The following RXRG variants were observed in gnomAD, a reference collection of about 807,000 sequenced individuals.
RXRG encodes retinoic acid receptor RXR-gamma.
Under a neutral mutation model 49.2 loss-of-function variants are expected in RXRG, and 19 were observed. The observed-to-expected ratio is 0.39, with a 90% CI of 0.27 to 0.57. The LOEUF is 0.57. RXRG is among the 20% of genes least tolerant of loss of function. The probability of loss-of-function intolerance (pLI) is 0.64; values close to 1 mark genes in which losing one functional copy is unlikely to be tolerated. For synonymous variants in RXRG, 224 were observed against 216.6 expected, an observed-to-expected ratio of 1.03 and a Z score of -0.30; for missense variants, 452 against 592.5, an observed-to-expected ratio of 0.76 and a Z score of 2.46.
At chr1:165,407,160 G>A (rs1337952129) in intron 8 of RXRG, among the ~76,000 whole-genome samples, 1 of 152,276 alleles carries the variant, frequency 6.6e-6, no homozygotes, top group South Asian at 2.1e-4. Flanking sequence ...CTGACTCTAA[G>A]GAGGAGAGCT....
At chr1:165,425,022 C>T in intron 2 of RXRG, 6 of 949,174 alleles carry the variant, frequency 6.3e-6, no homozygotes, top group Non-Finnish European at 6.3e-6. Context: ...ATATAGCTCC[C>T]CAAAGCCAAA....
chr1:165,442,555 A>G (rs1276646603), intron 1 of RXRG, among the ~76,000 whole-genome samples: 2 of 152,168 alleles, frequency 1.3e-5, no homozygotes, highest in Non-Finnish European at 2.9e-5. Flanking sequence ...AGCCCCCACA[A>G]TTATGAAAAT....
At chr1:165,412,134 T>C (rs1203118827) in intron 4 of RXRG, among the ~76,000 whole-genome samples, 1 of 152,158 alleles carries the variant, frequency 6.6e-6, no homozygotes, top group Non-Finnish European at 1.5e-5. Context: ...GAGGAGATAA[T>C]GAGCCCCAGA....
intron 1 of RXRG, among the ~76,000 whole-genome samples, chr1:165,432,580 T>C (rs1470210961): frequency 7.2e-5 from 11 of 152,226 alleles, no homozygotes; most frequent in East Asian, 3.8e-4. Flanking sequence ...CTCACTCCTT[T>C]TTTTTGTTTG....
rs771143518 is a variant in RXRG at position 165,408,320 on chromosome 1, T to C, written c.1047-2A>G. The stretch of plus-strand genomic sequence containing the variant: ...TTGGAAACCAGCTCAGTTAGGACTC[T>C]GTTAACAGGAAACAAGCAGGTAATG... On this transcript the variant is annotated splice_acceptor_variant, in intron 7 of 9. Transcript: ENST00000359842. LOFTEE classifies it high-confidence loss of function. 1 of 1,601,964 alleles carries C rather than the reference T, an allele frequency of 6.2e-7. No homozygotes were observed. The highest frequency in any genetic ancestry group is 2.2e-5 in the East Asian group (1 of 44,840).
intron 8 of RXRG, among the ~76,000 whole-genome samples, chr1:165,407,846 C>T (rs199987320): frequency 3.9e-5 from 4 of 102,570 alleles, no homozygotes; most frequent in Non-Finnish European, 4.8e-5. Context: ...TTCAGGAAAA[C>T]AAAACTTAAA....
intron 1 of RXRG, among the ~76,000 whole-genome samples, chr1:165,436,683 G>A (rs1658825012): frequency 6.6e-6 from 1 of 152,190 alleles, no homozygotes; most frequent in Non-Finnish European, 1.5e-5. Context: ...AGGGAGCCAT[G>A]ACCTGGGACT....
intron 1 of RXRG, among the ~76,000 whole-genome samples, chr1:165,442,283 C>T (rs560147480): frequency 6.6e-5 from 10 of 152,330 alleles, no homozygotes; most frequent in Admixed American, 3.9e-4. Flanking sequence ...TCCCTGCAGA[C>T]GGGGGCAGAG....
intron 9 of RXRG, among the ~76,000 whole-genome samples, chr1:165,406,498 T>C (rs1228405146): frequency 6.6e-6 from 1 of 152,228 alleles, no homozygotes; most frequent in Non-Finnish European, 1.5e-5. Flanking sequence ...ATTTCTGAGG[T>C]TCTGTTTCTT....
intron 4 of RXRG, among the ~76,000 whole-genome samples, chr1:165,411,609 G>A (rs1394366584): frequency 2.0e-5 from 3 of 152,262 alleles, no homozygotes; most frequent in South Asian, 2.1e-4. Context: ...CACCTGATCC[G>A]ACTTGTCAGG....
intron 7 of RXRG, among the ~76,000 whole-genome samples, chr1:165,408,893 G>A (rs948648237): frequency 6.6e-6 from 1 of 152,140 alleles, no homozygotes; most frequent in African/African-American, 2.4e-5. Flanking sequence ...CCCTGGCATT[G>A]GACAGAGAGA....
chr1:165,401,186 G>A lies in RXRG; in HGVS notation c.*77C>T. On this transcript the variant is annotated 3_prime_UTR_variant, in exon 10 of 10. Coordinates refer to ENST00000359842, the MANE Select transcript of RXRG (RefSeq NM_006917.5). ...AGGAAGGGGGTCAGGGTGGGAGGTG[G>A]AGGAAAGTGCAGGGTGGGGGTCCAC... 1.4e-6 allele frequency: 2 copies of A among 1,409,536 alleles called. No individual in the cohort carries two copies. The highest frequency in any genetic ancestry group is 2.0e-6 in the Non-Finnish European group (2 of 1,018,180). The allele number at this position is 1,409,536 out of a possible 1,614,324, so 87.3% of individuals were successfully genotyped here. A position where few individuals can be genotyped will look rare whatever the true frequency, so the allele number is the denominator to read the frequency against.
chr1:165,409,133 G>A (rs1657852902), intron 7 of RXRG, among the ~76,000 whole-genome samples: 1 of 152,106 alleles, frequency 6.6e-6, no homozygotes. Context: ...CATCTTGCCT[G>A]GCCTCTTGAG....
intron 2 of RXRG, among the ~76,000 whole-genome samples, chr1:165,423,142 C>T (rs776712369): frequency 2.0e-5 from 3 of 152,194 alleles, no homozygotes; most frequent in Non-Finnish European, 4.4e-5. Flanking sequence ...CTCTGGCTGG[C>T]TTGGGGTTTG....
At chr1:165,440,751 C>T (rs1270759691) in intron 1 of RXRG, among the ~76,000 whole-genome samples, 1 of 152,058 alleles carries the variant, frequency 6.6e-6, no homozygotes, top group Non-Finnish European at 1.5e-5. Context: ...TCTGGGAGCC[C>T]CTGGCACACC....
At chr1:165,410,670 TC>T (rs752360852) in intron 6 of RXRG, 31 bp downstream of exon 6, 1 of 1,610,946 alleles carries the variant, frequency 6.2e-7, no homozygotes, top group African/African-American at 1.3e-5. Context: ...TTCAAAATTG[TC>T]CCAGGAAAAA....
intron 4 of RXRG, among the ~76,000 whole-genome samples, chr1:165,415,059 A>T (rs936205172): frequency 6.6e-6 from 1 of 152,238 alleles, no homozygotes; most frequent in South Asian, 2.1e-4. Context: ...GTGTTAGATC[A>T]TGATAACTAC....
chr1:165,439,129 G>C lies in RXRG; in HGVS notation c.49+5716C>G, dbSNP rs550289177. Among the ~76,000 whole-genome samples the C allele has an allele frequency of 2.0e-5, 3 of 152,116 alleles. No homozygotes were observed. In the East Asian group the frequency reaches 5.8e-4, roughly 29 times the overall value. ...AATCTGCCAACTTGTCACGAATTTAGACTGATTTTTCTCTCAATTGATCCA... is the reference window on the plus strand; with the variant it reads ...AATCTGCCAACTTGTCACGAATTTACACTGATTTTTCTCTCAATTGATCCA... On this transcript the variant is annotated intron_variant, in intron 1 of 9. Transcript: ENST00000359842.
chr1:165,411,183 A>T, intron 4 of RXRG, 74 bp from the exon 5 acceptor site: 4 of 1,443,760 alleles, frequency 2.8e-6, no homozygotes, highest in Non-Finnish European at 3.8e-6. Flanking sequence ...TACCCACATG[A>T]GCCTCAATTT....
Sources: allele counts gnomAD v4.1 joint callset (sites outside exome capture counted in the v4.1 genomes callset), GRCh38; gene constraint gnomAD v4.1.1; transcripts MANE v1.5; gene names NCBI Gene and HGNC (gene_info 2026-07-23, HGNC 2026-07-21).